The following NALCN variants were observed in gnomAD, a reference collection of about 807,000 sequenced individuals.
The protein encoded by NALCN is sodium leak channel, non-selective, also known as sodium leak channel NALCN.
Under a neutral mutation model 225.3 loss-of-function variants are expected in NALCN, and 111 were observed. That is an observed-to-expected ratio of 0.49 (90% CI 0.42 to 0.58). The LOEUF (loss-of-function observed/expected upper bound fraction) is 0.58. Among genes scored for constraint, NALCN ranks in the 20% least tolerant of loss-of-function variants. NALCN has a pLI of 0.00. For missense variants in NALCN, 1,378 were observed against 2,202.4 expected, an observed-to-expected ratio of 0.63 and a Z score of 7.49; for synonymous variants, 764 against 769.0, an observed-to-expected ratio of 0.99 and a Z score of 0.11.
intron 41 of NALCN, among the ~76,000 whole-genome samples, chr13:101,061,487 T>C (rs973008375): frequency 1.3e-5 from 2 of 152,070 alleles, no homozygotes; most frequent in Admixed American, 1.3e-4. Context: ...GTTCAAGTGA[T>C]TCTCATGCCT....
chr13:101,057,358 C>A (rs749300), intron 43 of NALCN: 1 of 153,296 alleles, frequency 6.5e-6, no homozygotes, highest in Non-Finnish European at 1.5e-5. Flanking sequence ...AATAATGGGA[C>A]TGTTTATTAA....
chr13:101,106,229 C>T (rs941075545), intron 22 of NALCN, among the ~76,000 whole-genome samples: 6 of 152,026 alleles, frequency 3.9e-5, no homozygotes, highest in African/African-American at 1.4e-4. Flanking sequence ...TAGATTAGGG[C>T]CCACCCTAAT....
chr13:101,319,772 C>G (rs1362022530), intron 7 of NALCN, among the ~76,000 whole-genome samples: 1 of 152,090 alleles, frequency 6.6e-6, no homozygotes, highest in Non-Finnish European at 1.5e-5. Flanking sequence ...ATTTAGATGG[C>G]TCTGAAAATG....
chr13:101,209,130 A>C (rs2140068983), intron 13 of NALCN, among the ~76,000 whole-genome samples: 1 of 152,254 alleles, frequency 6.6e-6, no homozygotes, highest in East Asian at 1.9e-4. Flanking sequence ...TGAGAATTAT[A>C]TTAGATATAT....
Position 101,083,194 on chromosome 13 carries a change from A to G in NALCN, c.3588T>C (p.Asn1196=). ...CATACATTTTAGCTCTAAAACCATC[A>G]TTATCTAGAAAAGAAAGGTTTGGGC... The part of the protein sequence containing the change: ...QPLHLPPRPD[N]DGFRAKMYDI... Residue 1196 remains asparagine, a synonymous_variant, in exon 32 of 44, where the codon AAT becomes AAC. Coordinates refer to ENST00000251127, the MANE Select transcript of NALCN (RefSeq NM_052867.4). 6.2e-7 allele frequency: 1 copy of G among 1,613,562 alleles called. No individual in the cohort carries two copies. Among genetic ancestry groups the G allele is most frequent in the Non-Finnish European group, 8.5e-7 (1 of 1,179,606 alleles).
intron 7 of NALCN, among the ~76,000 whole-genome samples, chr13:101,322,598 A>G (rs192088518): frequency 2.0e-5 from 3 of 152,336 alleles, no homozygotes; most frequent in African/African-American, 7.2e-5. Context: ...ATGATCTCAT[A>G]TGTTTAGTTT....
intron 15 of NALCN, among the ~76,000 whole-genome samples, chr13:101,170,872 A>C (rs1022378038): frequency 6.6e-6 from 1 of 152,170 alleles, no homozygotes; most frequent in African/African-American, 2.4e-5. Context: ...TTCTTCCCTC[A>C]AAGCTTAATG....
intron 40 of NALCN, among the ~76,000 whole-genome samples, chr13:101,064,597 C>G (rs921051760): frequency 2.0e-5 from 3 of 149,118 alleles, no homozygotes; most frequent in African/African-American, 7.4e-5. Context: ...AACAGAATGC[C>G]ATGTGAAGAT....
chr13:101,107,605 C>G lies in NALCN; in HGVS notation c.2461G>C (p.Val821Leu). 6.2e-7 allele frequency: 1 copy of G among 1,614,064 alleles called. No homozygotes were observed. The highest frequency in any genetic ancestry group is 8.5e-7 in the Non-Finnish European group (1 of 1,179,946). The change falls in exon 22 of 44, where the codon GTG becomes CTG. Residue 821 changes from valine (V) to leucine (L), a missense_variant. Transcript: ENST00000251127. ...KKEQAEMKRK[V>L]QEEELRENHP... ...TTCTCTCTGAGTTCCTCTTCTTGCACTTTCCTTGAAGGAGAAATTCATGGG... is the reference window on the plus strand; with the variant it reads ...TTCTCTCTGAGTTCCTCTTCTTGCAGTTTCCTTGAAGGAGAAATTCATGGG...
At chr13:101,079,324 A>C (rs540826174) in intron 34 of NALCN, among the ~76,000 whole-genome samples, 1 of 152,306 alleles carries the variant, frequency 6.6e-6, no homozygotes, top group South Asian at 2.1e-4. Flanking sequence ...TTAGGATGAG[A>C]ATCTGAATTC....
At chr13:101,309,772 T>A (rs904432888) in intron 7 of NALCN, among the ~76,000 whole-genome samples, 6 of 152,314 alleles carry the variant, frequency 3.9e-5, no homozygotes, top group East Asian at 1.9e-4. Flanking sequence ...AAAACAATTT[T>A]AAAAAAATTG....
intron 10 of NALCN, among the ~76,000 whole-genome samples, chr13:101,275,508 T>C (rs564503121): frequency 6.6e-6 from 1 of 152,330 alleles, no homozygotes; most frequent in East Asian, 1.9e-4. Flanking sequence ...CCATTTTCCA[T>C]AAACGTGTCC....
chr13:101,280,305 A>G (rs574337207), intron 10 of NALCN, among the ~76,000 whole-genome samples: 1 of 152,326 alleles, frequency 6.6e-6, no homozygotes, highest in African/African-American at 2.4e-5. Flanking sequence ...TATGAGTCAC[A>G]TTCATAAGAT....
intron 18 of NALCN, chr13:101,116,443 TAAGA>T: frequency 2.0e-6 from 1 of 499,930 alleles, no homozygotes; most frequent in Non-Finnish European, 4.0e-6. Context: ...ATTATGGTTA[TAAGA>T]GAGATCTTTG....
At chr13:101,319,717 G>C (rs1023939408) in intron 7 of NALCN, among the ~76,000 whole-genome samples, 9 of 152,052 alleles carry the variant, frequency 5.9e-5, no homozygotes, top group African/African-American at 2.2e-4. Flanking sequence ...TTGTTGCATA[G>C]AAGAAGGATT....
At chr13:101,336,287 A>G (rs183417515) in intron 7 of NALCN, among the ~76,000 whole-genome samples, 4 of 152,314 alleles carry the variant, frequency 2.6e-5, no homozygotes, top group African/African-American at 9.6e-5. Context: ...AGCTGAGTCC[A>G]TAGCTTATAG....
intron 40 of NALCN, 129 bp downstream of exon 40, chr13:101,065,275 A>ACTT (rs1410697461): frequency 3.1e-6 from 3 of 975,068 alleles, no homozygotes; most frequent in Admixed American, 2.2e-5. Flanking sequence ...ATGTGACCCC[A>ACTT]CTTCACGACC....
At chr13:101,311,165 TG>T (rs1232543829) in intron 7 of NALCN, among the ~76,000 whole-genome samples, 2 of 151,078 alleles carry the variant, frequency 1.3e-5, no homozygotes, top group African/African-American at 4.9e-5. Context: ...TCTGTTTGTC[TG>T]TTATTGGTGT....
intron 3 of NALCN, among the ~76,000 whole-genome samples, chr13:101,385,747 C>G (rs2046969470): frequency 6.6e-6 from 1 of 152,268 alleles, no homozygotes; most frequent in Non-Finnish European, 1.5e-5. Flanking sequence ...TGAAAGTTAG[C>G]CTTTCAAAAG....
Sources: gnomAD v4.1 joint callset for allele counts (sites outside exome capture counted in the v4.1 genomes callset) on GRCh38, gnomAD v4.1.1 for gene constraint, MANE v1.5 for transcripts, NCBI Gene and HGNC (gene_info 2026-07-23, HGNC 2026-07-21) for gene names.